Variants in GULP1 observed in about 807,000 individuals in gnomAD.
The protein encoded by GULP1 is GULP PTB domain containing engulfment adaptor 1.
Under a neutral mutation model 40.9 loss-of-function variants are expected in GULP1, and 19 were observed. The observed-to-expected ratio is 0.46, with a 90% CI of 0.32 to 0.68. The LOEUF (loss-of-function observed/expected upper bound fraction) is 0.68. GULP1 is among the 30% of genes least tolerant of loss of function. The pLI, the probability that GULP1 is intolerant of heterozygous loss-of-function variation, is 0.03. For missense variants in GULP1, 312 were observed against 362.2 expected, an observed-to-expected ratio of 0.86 and a Z score of 1.12; for synonymous variants, 119 against 117.6, an observed-to-expected ratio of 1.01 and a Z score of -0.08.
intron 1 of GULP1, among the ~76,000 whole-genome samples, chr2:188,381,809 T>C (rs1280490708): frequency 1.3e-5 from 2 of 152,208 alleles, no homozygotes; most frequent in African/African-American, 4.8e-5. Flanking sequence ...GCTTGAAATT[T>C]CCTGTCCAGG....
At chr2:188,576,243 T>C (rs567602149) in intron 9 of GULP1, among the ~76,000 whole-genome samples, 1 of 151,712 alleles carries the variant, frequency 6.6e-6, no homozygotes, top group Non-Finnish European at 1.5e-5. Context: ...TGATGTGTGC[T>C]TGAGTGAAAA....
intron 2 of GULP1, among the ~76,000 whole-genome samples, chr2:188,437,241 T>A (rs1255414356): frequency 6.6e-6 from 1 of 152,108 alleles, no homozygotes; most frequent in Non-Finnish European, 1.5e-5. Context: ...AGTATTAAAA[T>A]CTAAATTTTT....
chr2:188,366,881 C>T (rs1011001708), intron 1 of GULP1, among the ~76,000 whole-genome samples: 6 of 152,134 alleles, frequency 3.9e-5, no homozygotes, highest in Admixed American at 3.9e-4. Flanking sequence ...GCGTGAGCCA[C>T]CTTGCCTGGC....
intron 1 of GULP1, chr2:188,297,426 G>T (rs1023921443): frequency 4.4e-6 from 2 of 450,038 alleles, no homozygotes; most frequent in Admixed American, 5.5e-5. Flanking sequence ...TACAAATGTA[G>T]TGTTTTCCTG....
chr2:188,454,234 C>G (rs2059072304), intron 2 of GULP1, among the ~76,000 whole-genome samples: 2 of 152,190 alleles, frequency 1.3e-5, no homozygotes, highest in Non-Finnish European at 2.9e-5. Flanking sequence ...TGGGACTGCT[C>G]TCAGCAGAGA....
intron 7 of GULP1, among the ~76,000 whole-genome samples, chr2:188,542,761 G>C (rs1690876094): frequency 6.6e-6 from 1 of 152,104 alleles, no homozygotes; most frequent in Admixed American, 6.6e-5. Flanking sequence ...TATTTCAAGT[G>C]TTTTTTAACC....
At chr2:188,515,079 G>A (rs2065038856) in intron 4 of GULP1, among the ~76,000 whole-genome samples, 1 of 152,120 alleles carries the variant, frequency 6.6e-6, no homozygotes, top group African/African-American at 2.4e-5. Context: ...GAGTGCAGTT[G>A]CTGCATCTTA....
intron 3 of GULP1, among the ~76,000 whole-genome samples, chr2:188,481,089 G>A (rs1484318162): frequency 1.3e-5 from 2 of 151,904 alleles, no homozygotes; most frequent in Admixed American, 6.6e-5. Context: ...AGCAATCAGA[G>A]TACATTGATA....
chr2:188,516,199 G>A (rs1330212009), intron 4 of GULP1, among the ~76,000 whole-genome samples: 1 of 151,984 alleles, frequency 6.6e-6, no homozygotes, highest in Non-Finnish European at 1.5e-5. Flanking sequence ...CTGAGAACTG[G>A]GACATGGCAG....
Position 188,584,260 on chromosome 2 carries a change from TGCAG to T in GULP1, c.614_617del. On this transcript the variant is annotated splice_acceptor_variant and splice_polypyrimidine_tract_variant and intron_variant, in intron 9 of 11. Coordinates refer to ENST00000409830, the MANE Select transcript of GULP1 (RefSeq NM_016315.4). LOFTEE classifies it high-confidence loss of function. ...ATTACCCTAATTCATTTATTTTCAT[TGCAG>T]GCAGGCAGTATGACACCTAAGTCGC... is the stretch of plus-strand genomic sequence containing the variant. The T allele has an allele frequency of 1.9e-6, 3 of 1,595,388 alleles. No individual in the cohort carries two copies. The highest frequency in any genetic ancestry group is 1.1e-5 in the South Asian group (1 of 90,162).
intron 5 of GULP1, among the ~76,000 whole-genome samples, chr2:188,523,194 C>T (rs1685285368): frequency 6.6e-6 from 1 of 152,114 alleles, no homozygotes; most frequent in South Asian, 2.1e-4. Flanking sequence ...TCTTTAAAAG[C>T]TAAGATATAA....
chr2:188,368,672 G>C (rs1045092586), intron 1 of GULP1, among the ~76,000 whole-genome samples: 1 of 151,664 alleles, frequency 6.6e-6, no homozygotes, highest in African/African-American at 2.4e-5. Flanking sequence ...AGAAGCCAAA[G>C]TTAAGTTATG....
intron 2 of GULP1, among the ~76,000 whole-genome samples, chr2:188,402,133 A>G (rs1186013338): frequency 2.0e-5 from 3 of 152,110 alleles, no homozygotes; most frequent in Non-Finnish European, 4.4e-5. Context: ...AAACACTCAC[A>G]TCATCTTTAG....
At chr2:188,542,573 C>CTAGA (rs1189895676) in intron 7 of GULP1, among the ~76,000 whole-genome samples, 2 of 151,948 alleles carry the variant, frequency 1.3e-5, no homozygotes, top group Non-Finnish European at 2.9e-5. Context: ...TGCTAAGCTA[C>CTAGA]TAGATATCAT....
At chr2:188,589,666 G>A (rs1326302130) in intron 11 of GULP1, 3 of 687,030 alleles carry the variant, frequency 4.4e-6, no homozygotes, top group African/African-American at 1.9e-5. Context: ...TTAAACCGTG[G>A]TGTTTTTGCT....
At chr2:188,439,468 A>G (rs1332243323) in intron 2 of GULP1, among the ~76,000 whole-genome samples, 1 of 152,116 alleles carries the variant, frequency 6.6e-6, no homozygotes, top group South Asian at 2.1e-4. Flanking sequence ...CTGAATATCT[A>G]TTGTTTGGTT....
chr2:188,501,970 G>A (rs930685897), intron 4 of GULP1, among the ~76,000 whole-genome samples: 2 of 151,640 alleles, frequency 1.3e-5, no homozygotes, highest in Non-Finnish European at 2.9e-5. Flanking sequence ...TACCTCTGTC[G>A]CACCAGGATT....
At chr2:188,376,366 A>C (rs7606178) in intron 1 of GULP1, among the ~76,000 whole-genome samples, 42,860 of 152,092 alleles carry the variant, frequency 0.28, 7,479 homozygotes, top group African/African-American at 0.5. Context: ...TAGCAATTTA[A>C]ATTACGTTAT....
At chr2:188,369,609 AT>A (rs1165037918) in intron 1 of GULP1, among the ~76,000 whole-genome samples, 1 of 151,410 alleles carries the variant, frequency 6.6e-6, no homozygotes, top group Non-Finnish European at 1.5e-5. Flanking sequence ...CCTCTGTCAT[AT>A]TTTTCTTGCT....
Sources: allele counts gnomAD v4.1 joint callset (sites outside exome capture counted in the v4.1 genomes callset), GRCh38; gene constraint gnomAD v4.1.1; transcripts MANE v1.5; gene names NCBI Gene and HGNC (gene_info 2026-07-23, HGNC 2026-07-21).